Variants in RNF220 observed in about 807,000 individuals in gnomAD.
The protein encoded by RNF220 is ring finger protein 220.
A neutral mutation model predicts 67.1 loss-of-function variants in RNF220; 7 were observed. The observed-to-expected ratio is 0.10, with a 90% CI of 0.06 to 0.20. The LOEUF (loss-of-function observed/expected upper bound fraction) is 0.20. Ranked by LOEUF, RNF220 falls within the 10% of genes least tolerant of loss-of-function variation. RNF220 has a pLI of 1.00. For missense variants in RNF220, 565 were observed against 740.3 expected, an observed-to-expected ratio of 0.76 and a Z score of 2.75; for synonymous variants, 270 against 283.2, an observed-to-expected ratio of 0.95 and a Z score of 0.47.
chr1:44,635,664 A>C, intron 7 of RNF220, 76 bp downstream of exon 7: 6 of 1,612,698 alleles, frequency 3.7e-6, no homozygotes, highest in Non-Finnish European at 5.1e-6. Context: ...TTGCCTTTCT[A>C]AGGTAGAGGG....
At chr1:44,534,349 G>A (rs1368940952) in intron 2 of RNF220, among the ~76,000 whole-genome samples, 1 of 151,298 alleles carries the variant, frequency 6.6e-6, no homozygotes, top group Non-Finnish European at 1.5e-5. Context: ...TATACTTTAA[G>A]TTTTAGGGTA....
chr1:44,650,868 C>G lies in RNF220; in HGVS notation c.*93C>G. The G allele has an allele frequency of 4.5e-6, 5 of 1,119,462 alleles. No homozygotes were observed. 69.3% of individuals were successfully genotyped at this position (1,119,462 alleles called of 1,614,324 possible). A position where few individuals can be genotyped will look rare whatever the true frequency, so the allele number is the denominator to read the frequency against. On this transcript the variant is annotated 3_prime_UTR_variant, in exon 15 of 15. Coordinates refer to ENST00000361799, the MANE Select transcript of RNF220 (RefSeq NM_018150.4). The surrounding 1 kb of genome is among the most constrained non-coding windows in gnomAD (Gnocchi z 4.3). ...GTCTCCCTTTGTACATACTTGCACA[C>G]AGGTTCCCCATGTACATACATGCAC...
At chr1:44,436,589 A>G (rs1650998421) in intron 2 of RNF220, among the ~76,000 whole-genome samples, 2 of 152,188 alleles carry the variant, frequency 1.3e-5, no homozygotes, top group Admixed American at 1.3e-4. Flanking sequence ...TTGAGGTTCA[A>G]GTTGAGTGCA....
At chr1:44,534,603 A>C (rs181911334) in intron 2 of RNF220, among the ~76,000 whole-genome samples, 1 of 152,318 alleles carries the variant, frequency 6.6e-6, no homozygotes, top group Admixed American at 6.5e-5. Flanking sequence ...ATGGCCTTTC[A>C]GCCCATTGTT....
Position 44,650,050 on chromosome 1 carries a change from G to T in RNF220, c.1629+93G>T. ...CCTGAGCCTGCCTGGGGGAAGTGGG[G>T]AGCATGGCGCAAAGGAGAACAGAGC... On this transcript the variant is annotated intron_variant, in intron 14 of 14. Transcript: ENST00000361799. This position sits in a 1 kb window ranked among gnomAD's most constrained non-coding sequence, Gnocchi z 4.3. 1 of 1,344,140 alleles carries T rather than the reference G, an allele frequency of 7.4e-7. No homozygotes were observed. Among genetic ancestry groups the T allele is most frequent in the Non-Finnish European group, 1.0e-6 (1 of 958,906 alleles). 83.3% of individuals were successfully genotyped at this position (1,344,140 alleles called of 1,614,324 possible). A position where few individuals can be genotyped will look rare whatever the true frequency, so the allele number is the denominator to read the frequency against.
At chr1:44,597,366 C>A (rs1433993864) in intron 2 of RNF220, among the ~76,000 whole-genome samples, 2 of 151,774 alleles carry the variant, frequency 1.3e-5, no homozygotes, top group African/African-American at 4.8e-5. Flanking sequence ...GGAAAAGGGG[C>A]AAGGAGGGGA....
At chr1:44,552,915 C>A (rs1392255250) in intron 2 of RNF220, among the ~76,000 whole-genome samples, 1 of 152,150 alleles carries the variant, frequency 6.6e-6, no homozygotes, top group African/African-American at 2.4e-5. Context: ...CATCTGATCT[C>A]TACCACTTTT....
intron 2 of RNF220, among the ~76,000 whole-genome samples, chr1:44,541,099 G>A (rs931879756): frequency 6.6e-6 from 1 of 152,190 alleles, no homozygotes; most frequent in African/African-American, 2.4e-5. Context: ...AGACGAAACT[G>A]AACCTCAGAA....
At chr1:44,513,426 C>G (rs1295932108) in intron 2 of RNF220, among the ~76,000 whole-genome samples, 1 of 152,196 alleles carries the variant, frequency 6.6e-6, no homozygotes, top group African/African-American at 2.4e-5. Flanking sequence ...CCTCCTCTCT[C>G]TCTTTCACTC....
intron 2 of RNF220, among the ~76,000 whole-genome samples, chr1:44,463,150 A>G (rs901636762): frequency 5.9e-5 from 9 of 152,152 alleles, no homozygotes; most frequent in African/African-American, 2.2e-4. Flanking sequence ...CAGCCTGACC[A>G]ACATGGAGAA....
At chr1:44,481,946 G>A (rs1655859316) in intron 2 of RNF220, among the ~76,000 whole-genome samples, 2 of 152,208 alleles carry the variant, frequency 1.3e-5, no homozygotes, top group African/African-American at 2.4e-5. Context: ...TGTAACAGGA[G>A]AGAACAAGGA....
intron 5 of RNF220, among the ~76,000 whole-genome samples, chr1:44,629,415 T>C (rs1186851479): frequency 6.6e-6 from 1 of 152,268 alleles, no homozygotes; most frequent in Non-Finnish European, 1.5e-5. Context: ...CCTTGTCTTA[T>C]CCTTCCTTTA....
At chr1:44,628,750 A>G (rs778635994) in intron 5 of RNF220, among the ~76,000 whole-genome samples, 65 of 152,094 alleles carry the variant, frequency 4.3e-4, no homozygotes, top group Admixed American at 1.3e-3. Flanking sequence ...TTCACATGCT[A>G]TTTCTTCTAA....
At chr1:44,511,882 C>T (rs780758178) in intron 2 of RNF220, among the ~76,000 whole-genome samples, 10 of 149,676 alleles carry the variant, frequency 6.7e-5, no homozygotes, top group African/African-American at 1.0e-4. Flanking sequence ...CTGTCATCTC[C>T]GGGAGGAAAG....
At chr1:44,552,672 G>A (rs778515246) in intron 2 of RNF220, among the ~76,000 whole-genome samples, 5 of 137,074 alleles carry the variant, frequency 3.6e-5, no homozygotes, top group African/African-American at 1.1e-4. Context: ...CCGGGTTCAC[G>A]CCATTCTCCT....
chr1:44,439,822 G>T (rs1217042914), intron 2 of RNF220, among the ~76,000 whole-genome samples: 1 of 152,180 alleles, frequency 6.6e-6, no homozygotes, highest in Non-Finnish European at 1.5e-5. Flanking sequence ...GAGGTACCAA[G>T]ACCTGACAGA....
chr1:44,464,290 A>C lies in RNF220; in HGVS notation c.625+51568A>C, dbSNP rs76477070. Among the ~76,000 whole-genome samples, 1,374 of 152,358 alleles carry C rather than the reference A, an allele frequency of 9.0e-3. 8 individuals are homozygous for C. Among genetic ancestry groups the C allele is most frequent in the Middle Eastern group, 0.02 (6 of 294 alleles). On this transcript the variant is annotated intron_variant, in intron 2 of 14. Coordinates refer to ENST00000361799, the MANE Select transcript of RNF220 (RefSeq NM_018150.4). ...TGACTCTAAGCTGTGGATTAGGTCC[A>C]GGTCTGTTCCATGTGTCCTTTATTG... is the stretch of plus-strand genomic sequence containing the variant.
intron 1 of RNF220, among the ~76,000 whole-genome samples, chr1:44,407,457 G>A (rs959809018): frequency 6.6e-6 from 1 of 152,074 alleles, no homozygotes; most frequent in African/African-American, 2.4e-5. Flanking sequence ...GAGGAAGAGC[G>A]GTGCTGGCGT....
intron 2 of RNF220, among the ~76,000 whole-genome samples, chr1:44,457,011 G>A (rs12746640): frequency 0.2 from 30,092 of 151,636 alleles, 3,246 homozygotes; most frequent in Middle Eastern, 0.27. Flanking sequence ...CCCAACTGCC[G>A]CCAGTCTTGC....
Sources: allele counts gnomAD v4.1 joint callset (sites outside exome capture counted in the v4.1 genomes callset), GRCh38; gene constraint gnomAD v4.1.1; non-coding constraint Gnocchi (gnomAD v3.1); transcripts MANE v1.5; gene names NCBI Gene and HGNC (gene_info 2026-07-23, HGNC 2026-07-21).